Variants in GK5 observed in about 807,000 individuals in gnomAD.
GK5 encodes ATP:glycerol 3-phosphotransferase 5.
In GK5, 39 loss-of-function variants were observed where a neutral mutation model predicts 77.3. That is an observed-to-expected ratio of 0.50 (90% confidence interval 0.39 to 0.66). The LOEUF (loss-of-function observed/expected upper bound fraction) is 0.66. Ranked by LOEUF, GK5 falls within the 30% of genes least tolerant of loss-of-function variation. The pLI, the probability that GK5 is intolerant of heterozygous loss-of-function variation, is 0.00. For missense variants in GK5, 487 were observed against 633.8 expected (o/e 0.77, Z 2.49); for synonymous variants, 211 against 208.0 (o/e 1.01, Z -0.13).
chr3:142,179,020 A>C (rs374273284), intron 11 of GK5, among the ~76,000 whole-genome samples: 19 of 152,300 alleles, frequency 1.2e-4, no homozygotes, highest in African/African-American at 4.6e-4. Context: ...ATAAAGTTAA[A>C]TACCTTTTCA....
Position 142,204,683 on chromosome 3 carries a change from G to T in GK5, c.411+12C>A. On this transcript the variant is annotated intron_variant, in intron 4 of 15. Coordinates refer to ENST00000392993, the MANE Select transcript of GK5 (RefSeq NM_001039547.3). ...AACCAACAATATCCAAATCACACAA[G>T]AAAAAGATTACCTTCATAAGAAGAG... is the stretch of plus-strand genomic sequence containing the variant. 2 of 1,373,432 alleles carry T rather than the reference G, an allele frequency of 1.5e-6. No individual in the cohort carries two copies. Among genetic ancestry groups the T allele is most frequent in the Non-Finnish European group, 2.1e-6 (2 of 964,760 alleles). The allele number at this position is 1,373,432 out of a possible 1,614,324, so 85.1% of individuals were successfully genotyped here.
Position 142,225,570 on chromosome 3 carries a change from G to T in GK5, c.-115C>A. On this transcript the variant is annotated 5_prime_UTR_variant, in exon 1 of 16. Coordinates refer to ENST00000392993, the MANE Select transcript of GK5 (RefSeq NM_001039547.3). Reference sequence around the variant, plus strand: ...CGGGCCCCAACCCGGCTCAGCCGGAGAGCCTAGAGAGGCCTGGCCCCTGCC... The same window carrying T: ...CGGGCCCCAACCCGGCTCAGCCGGATAGCCTAGAGAGGCCTGGCCCCTGCC... The T allele has an allele frequency of 7.6e-7, 1 of 1,311,842 alleles. No individual in the cohort carries two copies. Among genetic ancestry groups the T allele is most frequent in the Non-Finnish European group, 1.0e-6 (1 of 985,524 alleles). 81.3% of individuals were successfully genotyped at this position (1,311,842 alleles called of 1,614,324 possible). A position where few individuals can be genotyped will look rare whatever the true frequency, so the allele number is the denominator to read the frequency against.
chr3:142,159,853 C>CTCTCTCTTTTTTTTTTTTTTTTTTTT lies in GK5; in HGVS notation c.*5768_*5769insAAAAAAAAAAAAAAAAAAAAGAGAGA, dbSNP rs1553825247. 1.9e-5 allele frequency: 2 copies of CTCTCTCTTTTTTTTTTTTTTTTTTTT among 106,124 alleles called. No homozygotes were observed. Among genetic ancestry groups the CTCTCTCTTTTTTTTTTTTTTTTTTTT allele is most frequent in the African/African-American group, 8.2e-5 (2 of 24,254 alleles). The allele number at this position is 106,124 out of a possible 1,614,324, so 6.6% of individuals were successfully genotyped here. A position where few individuals can be genotyped will look rare whatever the true frequency, so the allele number is the denominator to read the frequency against. On this transcript the variant is annotated 3_prime_UTR_variant, in exon 16 of 16. Transcript: ENST00000392993. ...TTTCTCTCTCTCTCTCTCTCTCTCT[C>CTCTCTCTTTTTTTTTTTTTTTTTTTT]TTTTTTTTTTTTGAGACAGAGTCTC...
Position 142,161,617 on chromosome 3 carries a change from T to C in GK5, c.*4005A>G, listed in dbSNP as rs118097358. 1 of 152,260 alleles carries C rather than the reference T, an allele frequency of 6.6e-6. No homozygotes were observed. The highest frequency in any genetic ancestry group is 1.9e-4 in the East Asian group (1 of 5,178). The allele number at this position is 152,260 out of a possible 1,614,324, so 9.4% of individuals were successfully genotyped here. A position where few individuals can be genotyped will look rare whatever the true frequency, so the allele number is the denominator to read the frequency against. ...TACACAGAAGGCAGATTAAAGAGAA[T>C]GATGATCTCCTTTGTTCAGAGATAA... On this transcript the variant is annotated 3_prime_UTR_variant, in exon 16 of 16. Transcript: ENST00000392993.
intron 10 of GK5, 21 bp from the exon 11 acceptor site, chr3:142,181,586 TG>T: frequency 7.3e-6 from 11 of 1,505,540 alleles, no homozygotes; most frequent in Non-Finnish European, 8.3e-6. Context: ...AAACAACGAA[TG>T]TTAAGTCAAA....
At chr3:142,202,412 A>C (rs550840958) in intron 4 of GK5, among the ~76,000 whole-genome samples, 1 of 152,278 alleles carries the variant, frequency 6.6e-6, no homozygotes, top group South Asian at 2.1e-4. Context: ...TTCTGGCAAA[A>C]ACACTCTAAA....
At position 142,185,150 on chromosome 3, in the gene GK5, T is replaced by A. The variant is rs142798053; in HGVS notation, c.816+779A>T. 3,457 of 976,316 alleles carry A rather than the reference T, an allele frequency of 3.5e-3. 85 individuals carry two copies. In the African/African-American group the frequency reaches 0.05, roughly 14 times the overall value. The allele number at this position is 976,316 out of a possible 1,614,324, so 60.5% of individuals were successfully genotyped here. A position where few individuals can be genotyped will look rare whatever the true frequency, so the allele number is the denominator to read the frequency against. On this transcript the variant is annotated intron_variant, in intron 9 of 15. Transcript: ENST00000392993. ...AAAACAGGCTTGGCACAGTGACTCA[T>A]GCCTGTAGTCCCAGCACTTTGGGAG...
At chr3:142,212,833 T>TTTTTTTTC (rs1350016364) in intron 3 of GK5, among the ~76,000 whole-genome samples, 1 of 148,086 alleles carries the variant, frequency 6.8e-6, no homozygotes, top group Non-Finnish European at 1.5e-5. Flanking sequence ...TATTTTCTTT[T>TTTTTTTTC]TTTTTTCTTT....
chr3:142,171,636 A>C (rs569635439), intron 13 of GK5, among the ~76,000 whole-genome samples, 158 bp from the exon 14 acceptor site: 25 of 152,284 alleles, frequency 1.6e-4, no homozygotes, highest in African/African-American at 6.0e-4. Context: ...GCTAAATGGA[A>C]ACTGTATAAC....
chr3:142,186,012 A>C, intron 8 of GK5, 23 bp from the exon 9 acceptor site: 2 of 1,543,320 alleles, frequency 1.3e-6, no homozygotes, highest in Non-Finnish European at 1.8e-6. Context: ...TTCATTAAAA[A>C]GTTAGTTACA....
Position 142,220,049 on chromosome 3 carries a change from A to T in GK5, c.148-4357T>A, listed in dbSNP as rs1005466224. Reference sequence around the variant, plus strand: ...GGCTTAAACATATGCATGTATCTCCAATTCCTCCCAGTCTATTAAAAGGAA... The same window carrying T: ...GGCTTAAACATATGCATGTATCTCCTATTCCTCCCAGTCTATTAAAAGGAA... On this transcript the variant is annotated intron_variant, in intron 1 of 15. Coordinates refer to ENST00000392993, the MANE Select transcript of GK5 (RefSeq NM_001039547.3). Among the ~76,000 whole-genome samples the T allele has an allele frequency of 9.2e-5, 14 of 152,240 alleles. 1 individual carries two copies. Among genetic ancestry groups the T allele is most frequent in the Admixed American group, 9.2e-4 (14 of 15,284 alleles).
At chr3:142,174,605 C>T (rs2063582739) in intron 12 of GK5, among the ~76,000 whole-genome samples, 1 of 152,184 alleles carries the variant, frequency 6.6e-6, no homozygotes, top group Non-Finnish European at 1.5e-5. Flanking sequence ...ATTCAGACAT[C>T]CTAGTCACTC....
At chr3:142,217,045 TA>T (rs1378224835) in intron 1 of GK5, among the ~76,000 whole-genome samples, 5 of 152,218 alleles carry the variant, frequency 3.3e-5, no homozygotes, top group African/African-American at 9.6e-5. Context: ...AATCCAAAAC[TA>T]CAAGGTATAT....
In GK5 at chr3:142,203,312, T is replaced by C. The variant is rs1326955320; in HGVS notation, c.411+1383A>G. On this transcript the variant is annotated intron_variant, in intron 4 of 15. Coordinates refer to ENST00000392993, the MANE Select transcript of GK5 (RefSeq NM_001039547.3). Reference sequence around the variant, plus strand: ...GATTATGGCAAAATTGTTTCACTCATGCATTGCTGTTATATTCCATAATAT... The same window carrying C: ...GATTATGGCAAAATTGTTTCACTCACGCATTGCTGTTATATTCCATAATAT... 4.6e-5 allele frequency among the ~76,000 whole-genome samples: 7 copies of C among 152,174 alleles called. 1 individual carries two copies. Among genetic ancestry groups the C allele is most frequent in the Admixed American group, 3.9e-4 (6 of 15,284 alleles).
chr3:142,186,080 G>C lies in GK5; in HGVS notation c.756-91C>G, dbSNP rs78162332. 5,785 of 1,200,718 alleles carry C rather than the reference G, an allele frequency of 4.8e-3. 202 individuals carry two copies. In the African/African-American group the frequency reaches 0.079, roughly 16 times the overall value. 74.4% of individuals were successfully genotyped at this position (1,200,718 alleles called of 1,614,324 possible). A position where few individuals can be genotyped will look rare whatever the true frequency, so the allele number is the denominator to read the frequency against. The stretch of plus-strand genomic sequence containing the variant: ...ATTGTTTTTTTGCATAAGCCAAAAA[G>C]TTACATAATGAACATACAAGTCCTT... On this transcript the variant is annotated intron_variant, in intron 8 of 15. Transcript: ENST00000392993.
chr3:142,180,546 C>T (rs573782551), intron 11 of GK5, among the ~76,000 whole-genome samples: 9 of 152,294 alleles, frequency 5.9e-5, no homozygotes, highest in Middle Eastern at 3.4e-3. Flanking sequence ...AGGTAATCCA[C>T]GTGCCTCAGC....
At chr3:142,215,789 G>C (rs914406996) in intron 1 of GK5, 97 bp from the exon 2 acceptor site, 4 of 595,396 alleles carry the variant, frequency 6.7e-6, no homozygotes. Context: ...TAATTAACAT[G>C]ATTTTATTAT....
intron 3 of GK5, among the ~76,000 whole-genome samples, chr3:142,211,284 G>A (rs796113548): frequency 3.9e-5 from 6 of 152,248 alleles, no homozygotes; most frequent in African/African-American, 1.2e-4. Context: ...CCATGACAAC[G>A]AATTATTCAG....
chr3:142,172,437 CA>C lies in GK5; in HGVS notation c.1162del (p.Trp388GlyfsTer9). 6.3e-7 allele frequency: 1 copy of C among 1,595,646 alleles called. No individual in the cohort carries two copies. On this transcript the variant is annotated frameshift_variant, in exon 13 of 16. Transcript: ENST00000392993. LOFTEE classifies it high-confidence loss of function. ...CAAACCCATAAAAGAGGCACATGCC[CA>C]GGGGTCATTTAATGGAGCCTACAGT... is the stretch of plus-strand genomic sequence containing the variant. The part of the protein sequence containing the change: ...SGLQAPLNDP[W>X]ACASFMGLKP...
Sources: gnomAD v4.1 joint callset for allele counts (sites outside exome capture counted in the v4.1 genomes callset) on GRCh38, gnomAD v4.1.1 for gene constraint, MANE v1.5 for transcripts, NCBI Gene and HGNC (gene_info 2026-07-23, HGNC 2026-07-21) for gene names.